The following DDX10 variants were observed in gnomAD, a reference collection of about 807,000 sequenced individuals.
DDX10 encodes the protein DEAD-box helicase 10.
Under a neutral mutation model 104.3 loss-of-function variants are expected in DDX10, and 74 were observed. The ratio of observed to expected loss-of-function variants is 0.71; its 90% CI spans 0.59 to 0.86. The LOEUF (loss-of-function observed/expected upper bound fraction) is 0.86. Among genes scored for constraint, DDX10 ranks in the 40% least tolerant of loss-of-function variants. DDX10 has a pLI of 0.00. For missense variants in DDX10, 952 were observed against 1,040.0 expected (o/e 0.92, Z 1.16); for synonymous variants, 351 against 353.4 (o/e 0.99, Z 0.08).
intron 9 of DDX10, among the ~76,000 whole-genome samples, chr11:108,699,380 T>C (rs2094264316): frequency 6.6e-6 from 1 of 152,210 alleles, no homozygotes; most frequent in African/African-American, 2.4e-5. Context: ...ATCACAAGGC[T>C]GTAATGAAGG....
At chr11:108,822,033 T>A (rs1272632670) in intron 13 of DDX10, among the ~76,000 whole-genome samples, 1 of 152,202 alleles carries the variant, frequency 6.6e-6, no homozygotes, top group Non-Finnish European at 1.5e-5. Flanking sequence ...CCAATTTCCA[T>A]TAAGTTTTAA....
At chr11:108,720,402 G>A (rs1346196143) in intron 12 of DDX10, among the ~76,000 whole-genome samples, 2 of 152,138 alleles carry the variant, frequency 1.3e-5, no homozygotes, top group East Asian at 1.9e-4. Flanking sequence ...TGCTTTGAAT[G>A]TGAGCCTCTT....
chr11:108,688,331 T>A (rs1247491694), intron 6 of DDX10, among the ~76,000 whole-genome samples: 1 of 152,232 alleles, frequency 6.6e-6, no homozygotes, highest in Non-Finnish European at 1.5e-5. Context: ...CTACCATAAA[T>A]ACCTTATACC....
intron 16 of DDX10, among the ~76,000 whole-genome samples, chr11:108,896,487 T>C (rs1863443193): frequency 6.6e-6 from 1 of 152,208 alleles, no homozygotes; most frequent in Admixed American, 6.5e-5. Flanking sequence ...GGTATCTGTT[T>C]AGTTGCCAGT....
chr11:108,924,615 C>T (rs1298978285), intron 17 of DDX10, among the ~76,000 whole-genome samples: 5 of 152,050 alleles, frequency 3.3e-5, no homozygotes. Flanking sequence ...GTGAACTTGC[C>T]TGTCTTTAAA....
At chr11:108,722,483 A>T (rs1436074723) in intron 12 of DDX10, among the ~76,000 whole-genome samples, 1 of 152,182 alleles carries the variant, frequency 6.6e-6, no homozygotes, top group Non-Finnish European at 1.5e-5. Context: ...ATTCTCTTTT[A>T]GGAAGGGAGA....
chr11:108,856,492 A>C (rs893787567), intron 16 of DDX10, among the ~76,000 whole-genome samples: 2 of 151,928 alleles, frequency 1.3e-5, no homozygotes, highest in African/African-American at 4.8e-5. Flanking sequence ...ACAAAACAAA[A>C]AAAAAACCTT....
chr11:108,885,823 G>A (rs909084651), intron 16 of DDX10, among the ~76,000 whole-genome samples: 3 of 152,176 alleles, frequency 2.0e-5, no homozygotes, highest in Non-Finnish European at 4.4e-5. Context: ...ATGATAACAA[G>A]TGTAATACTC....
intron 13 of DDX10, among the ~76,000 whole-genome samples, chr11:108,801,634 C>T (rs1037972409): frequency 6.6e-6 from 1 of 152,146 alleles, no homozygotes; most frequent in East Asian, 1.9e-4. Flanking sequence ...AGCAATGACC[C>T]CTTCCCCTGT....
chr11:108,730,441 C>T (rs557123364), intron 13 of DDX10, among the ~76,000 whole-genome samples: 2 of 152,348 alleles, frequency 1.3e-5, no homozygotes, highest in African/African-American at 4.8e-5. Context: ...TATTGTCTTA[C>T]TGATCAGTGT....
chr11:108,771,868 G>A (rs116047356), intron 13 of DDX10, among the ~76,000 whole-genome samples: 151 of 152,302 alleles, frequency 9.9e-4, no homozygotes, highest in African/African-American at 3.5e-3. Flanking sequence ...GATCCATCAT[G>A]GTCAGTAGTC....
intron 13 of DDX10, among the ~76,000 whole-genome samples, chr11:108,726,025 G>T (rs1048784531): frequency 6.6e-6 from 1 of 151,856 alleles, no homozygotes; most frequent in African/African-American, 2.4e-5. Flanking sequence ...AGTACCATTT[G>T]TTTGGAAAAA....
intron 17 of DDX10, among the ~76,000 whole-genome samples, chr11:108,935,545 TATTTC>T (rs1360056864): frequency 3.9e-5 from 6 of 152,216 alleles, no homozygotes; most frequent in African/African-American, 1.4e-4. Flanking sequence ...TTATAAATGA[TATTTC>T]AACAAGAACT....
rs945581933 is a variant in DDX10, at chr11:108,723,016, G to T, written c.1519G>T (p.Ala507Ser). Residue 507 changes from alanine to serine, a missense_variant, in exon 13 of 18, where the codon GCA becomes TCA. Transcript: ENST00000322536. ...EYALSLGLAV[A>S]PRVRFLQKMQ... ...TTTAAGGTCTCTTGGTCTTGCTGTG[G>T]CACCACGCGTAAGATTTCTTCAGAA... The T allele has an allele frequency of 6.2e-7, 1 of 1,608,868 alleles. No individual in the cohort carries two copies. Among genetic ancestry groups the T allele is most frequent in the Non-Finnish European group, 8.5e-7 (1 of 1,178,230 alleles).
chr11:108,749,070 T>TTCTCTC (rs146782260), intron 13 of DDX10, among the ~76,000 whole-genome samples: 1 of 150,732 alleles, frequency 6.6e-6, no homozygotes, highest in Admixed American at 6.6e-5. Context: ...CTCTCTCTCT[T>TTCTCTC]TCTCTCTCTC....
intron 13 of DDX10, among the ~76,000 whole-genome samples, chr11:108,815,851 A>G (rs1195826265): frequency 6.6e-6 from 1 of 152,200 alleles, no homozygotes; most frequent in African/African-American, 2.4e-5. Flanking sequence ...CTTCATCATG[A>G]AAGTCAGAGG....
At chr11:108,809,545 A>G (rs971138461) in intron 13 of DDX10, among the ~76,000 whole-genome samples, 1 of 152,230 alleles carries the variant, frequency 6.6e-6, no homozygotes, top group Non-Finnish European at 1.5e-5. Context: ...GTGAATACCA[A>G]TAAAGGTGAA....
chr11:108,862,640 A>G (rs1396630637), intron 16 of DDX10, among the ~76,000 whole-genome samples: 2 of 152,228 alleles, frequency 1.3e-5, no homozygotes, highest in African/African-American at 4.8e-5. Flanking sequence ...CTCTGGTGTA[A>G]ATTAAAATGA....
At chr11:108,769,839 G>A (rs2094360738) in intron 13 of DDX10, among the ~76,000 whole-genome samples, 1 of 152,076 alleles carries the variant, frequency 6.6e-6, no homozygotes, top group East Asian at 1.9e-4. Flanking sequence ...TACTGTATCA[G>A]ACATTAACAC....
Sources: gnomAD v4.1 joint callset for allele counts (sites outside exome capture counted in the v4.1 genomes callset) on GRCh38, gnomAD v4.1.1 for gene constraint, MANE v1.5 for transcripts, NCBI Gene and HGNC (gene_info 2026-07-23, HGNC 2026-07-21) for gene names.